The following FAAP20 variants were observed in gnomAD, a reference collection of about 807,000 sequenced individuals.
FAAP20 encodes Fanconi anemia core complex-associated protein 20.
Under a neutral mutation model 16.2 loss-of-function variants are expected in FAAP20, and 12 were observed. That is an observed-to-expected ratio of 0.74 (90% CI 0.48 to 1.20). The LOEUF (loss-of-function observed/expected upper bound fraction) is 1.20. Among genes scored for constraint, FAAP20 ranks in the 50% most tolerant of loss-of-function variants. The pLI is 0.00. For missense variants in FAAP20, 288 were observed against 245.8 expected, an observed-to-expected ratio of 1.17 and a Z score of -1.15; for synonymous variants, 141 against 110.7, an observed-to-expected ratio of 1.27 and a Z score of -1.72.
chr1:2,194,642 G>T, intron 1 of FAAP20, 46 bp downstream of exon 1: 1 of 1,061,464 alleles, frequency 9.4e-7, no homozygotes, highest in South Asian at 4.6e-5. Context: ...GGAAGCACGT[G>T]GGAGCGGGAA....
upstream of FAAP20, chr1:2,198,243 T>C (rs901461550): frequency 5.4e-5 from 62 of 1,156,744 alleles, no homozygotes; most frequent in Non-Finnish European, 6.9e-5. Context: ...GTTTCAGCTG[T>C]GGGAGTTTGC....
upstream of FAAP20, chr1:2,203,328 T>G: frequency 1.3e-6 from 1 of 797,566 alleles, no homozygotes; most frequent in Non-Finnish European, 1.5e-6. Flanking sequence ...CCCAGGCTTC[T>G]CCATAGTGGG....
Position 2,194,100 on chromosome 1 carries a change from C to A in FAAP20, c.96G>T (p.Gly32=). 6.2e-7 allele frequency: 1 copy of A among 1,612,494 alleles called. No homozygotes were observed. Among genetic ancestry groups the A allele is most frequent in the Non-Finnish European group, 8.5e-7 (1 of 1,179,904 alleles). ...CCCAGAGCCGCTCCCGCTCATCACCCCCCAGGAGAAACCAGGGGCGGCCGC... is the reference window on the plus strand; with the variant it reads ...CCCAGAGCCGCTCCCGCTCATCACCACCCAGGAGAAACCAGGGGCGGCCGC... ...PSGGRPWFLL[G]GDERERLWAE... The change falls in exon 2 of 4, where the codon GGG becomes GGT. Residue 32 remains glycine, a synonymous_variant. Transcript: ENST00000378546.
At chr1:2,199,381 G>A (rs573677082), upstream of FAAP20, 169 of 1,023,210 alleles carry the variant, frequency 1.7e-4, 2 homozygotes, top group South Asian at 3.5e-3. The surrounding 1 kb of genome is among the most constrained non-coding windows in gnomAD (Gnocchi z 4.5). Flanking sequence ...CCCCCCGCCC[G>A]GAGAAGCTTC....
At chr1:2,205,816 G>T (rs1253749638) in intron 3 of FAAP20, among the ~76,000 whole-genome samples, 1 of 152,236 alleles carries the variant, frequency 6.6e-6, no homozygotes, top group South Asian at 2.1e-4. Flanking sequence ...TGCCCAGATC[G>T]CCGGCGAAGC....
chr1:2,196,694 G>T (rs1180695190), upstream of FAAP20, among the ~76,000 whole-genome samples: 1 of 152,164 alleles, frequency 6.6e-6, no homozygotes, highest in African/African-American at 2.4e-5. The surrounding 1 kb of genome is among the most constrained non-coding windows in gnomAD (Gnocchi z 4.5). Flanking sequence ...ACAAAAATTA[G>T]CCGGGCATGG....
downstream of FAAP20, among the ~76,000 whole-genome samples, chr1:2,211,988 C>T (rs1299100205): frequency 2.7e-5 from 4 of 148,248 alleles, no homozygotes; most frequent in Non-Finnish European, 5.9e-5. Flanking sequence ...CTGCAAGCTC[C>T]ACCTCCCAGG....
downstream of FAAP20, chr1:2,186,265 C>G (rs139589655): frequency 1.1e-5 from 3 of 278,666 alleles, no homozygotes; most frequent in South Asian, 9.0e-5. Context: ...GGAAGAGAGA[C>G]GTAAAACCCC....
At chr1:2,206,880 G>C (rs1014463469) in intron 1 of FAAP20, among the ~76,000 whole-genome samples, 1 of 150,962 alleles carries the variant, frequency 6.6e-6, no homozygotes, top group Admixed American at 6.6e-5. Flanking sequence ...CGAGCCCCAG[G>C]CCACGGCCTC....
upstream of FAAP20, chr1:2,200,834 A>G (rs1689020440): frequency 9.5e-7 from 1 of 1,050,256 alleles, no homozygotes; most frequent in Non-Finnish European, 1.2e-6. Context: ...GGATCCCCCA[A>G]GGTCCTCCAA....
intron 3 of FAAP20, chr1:2,190,396 A>G (rs1225328297): frequency 6.7e-6 from 3 of 449,884 alleles, no homozygotes; most frequent in Non-Finnish European, 1.4e-5. Context: ...CAGGGGTGGC[A>G]GGAGAAAACC....
At chr1:2,201,039 A>T (rs1488034527), upstream of FAAP20, 1 of 1,288,306 alleles carries the variant, frequency 7.8e-7, no homozygotes, top group South Asian at 1.2e-5. Flanking sequence ...ACCTTCCAGG[A>T]CCCAGCTCAC....
chr1:2,202,408 G>A (rs1449914369), upstream of FAAP20, among the ~76,000 whole-genome samples: 3 of 152,000 alleles, frequency 2.0e-5, no homozygotes, highest in Admixed American at 6.6e-5. Context: ...GCGAAATCTC[G>A]ATTCACTGCA....
upstream of FAAP20, chr1:2,200,461 G>C (rs979829508): frequency 5.4e-6 from 1 of 184,324 alleles, no homozygotes; most frequent in Non-Finnish European, 1.0e-5. Context: ...CTTTGGGGTT[G>C]GGGGTGGAGC....
rs1330041877 is a variant in FAAP20, at chr1:2,194,713, G to C, written c.37C>G (p.Arg13Gly). ...AARRPRLGLS[R>G]RRPRPAGGPS... is the part of the protein sequence containing the mutation. ...CCGCCCGCCGGGCGCGGCCTCCGGC[G>C]GCTCAACCCCAGCCGCGGCCTCCGC... The change falls in exon 1 of 4, where the codon CGC becomes GGC. Residue 13 changes from arginine to glycine, a missense_variant. Physicochemically the swap from Arg to Gly is moderately radical, Grantham distance 125. Coordinates refer to ENST00000378546, the MANE Select transcript of FAAP20 (RefSeq NM_182533.4). 4 of 1,179,272 alleles carry C rather than the reference G, an allele frequency of 3.4e-6. No individual in the cohort carries two copies. Among genetic ancestry groups the C allele is most frequent in the Non-Finnish European group, 4.2e-6 (4 of 956,830 alleles). 73.1% of individuals were successfully genotyped at this position (1,179,272 alleles called of 1,614,324 possible).
chr1:2,208,127 T>G (rs1351077535), downstream of FAAP20, among the ~76,000 whole-genome samples: 3 of 151,952 alleles, frequency 2.0e-5, no homozygotes, highest in African/African-American at 7.3e-5. Flanking sequence ...AGCCCCTGCC[T>G]GGGGGGGTGA....
chr1:2,203,335 TG>T (rs1689119548), upstream of FAAP20: 1 of 825,136 alleles, frequency 1.2e-6, no homozygotes, highest in Non-Finnish European at 1.5e-6. Context: ...TTCTCCATAG[TG>T]GGGCAGGCTC....
downstream of FAAP20, chr1:2,185,384 G>A (rs768747601): frequency 4.6e-5 from 33 of 718,702 alleles, no homozygotes; most frequent in Non-Finnish European, 2.1e-5. Context: ...AAAATGTTCC[G>A]ATGATGTGGA....
At chr1:2,187,723 CCCCA>C, downstream of FAAP20, among the ~76,000 whole-genome samples, 1 of 152,136 alleles carries the variant, frequency 6.6e-6, no homozygotes, top group Admixed American at 6.5e-5. Context: ...GCCCAGCCTC[CCCCA>C]CCACAGGACA....
Sources: gnomAD v4.1 joint callset for allele counts (sites outside exome capture counted in the v4.1 genomes callset) on GRCh38, gnomAD v4.1.1 for gene constraint, Gnocchi (gnomAD v3.1) non-coding constraint, MANE v1.5 for transcripts, NCBI Gene and HGNC (gene_info 2026-07-23, HGNC 2026-07-21) for gene names.